NR3C1: variants seen among roughly 807,000 people sequenced by gnomAD.
The protein encoded by NR3C1 is glucocorticoid receptor.
NR3C1 carries 14 observed loss-of-function variants against 74.0 expected under a neutral mutation model. The observed-to-expected ratio is 0.19, with a 90% CI of 0.12 to 0.30. The LOEUF (loss-of-function observed/expected upper bound fraction) is 0.30. NR3C1 is among the 10% of genes least tolerant of loss of function. The pLI is 1.00. For synonymous variants in NR3C1, 308 were observed against 332.5 expected (o/e 0.93, Z 0.80); for missense variants, 695 against 909.8 (o/e 0.76, Z 3.04).
chr5:143,280,113 C>G lies in NR3C1; in HGVS notation c.*1776G>C, dbSNP rs531110936. The G allele has an allele frequency of 6.5e-6, 1 of 152,692 alleles. No individual in the cohort carries two copies. Among genetic ancestry groups the G allele is most frequent in the East Asian group, 1.9e-4 (1 of 5,186 alleles). The allele number at this position is 152,692 out of a possible 1,614,324, so 9.5% of individuals were successfully genotyped here. A position where few individuals can be genotyped will look rare whatever the true frequency, so the allele number is the denominator to read the frequency against. On this transcript the variant is annotated 3_prime_UTR_variant, in exon 9 of 9. Coordinates refer to ENST00000394464, the MANE Select transcript of NR3C1 (RefSeq NM_000176.3). Reference sequence around the variant, plus strand: ...AGAGCAAACTGTTTGGTTTCTGAGACCATCGCTGCCTGTATGAATGCATGT... The same window carrying G: ...AGAGCAAACTGTTTGGTTTCTGAGAGCATCGCTGCCTGTATGAATGCATGT...
intron 4 of NR3C1, among the ~76,000 whole-genome samples, chr5:143,307,723 T>TA (rs1344214964): frequency 6.6e-6 from 1 of 152,216 alleles, no homozygotes; most frequent in African/African-American, 2.4e-5. Flanking sequence ...CAAAGGGCAC[T>TA]AAAAACTCAA....
chr5:143,379,854 G>A (rs866531887), intron 2 of NR3C1, among the ~76,000 whole-genome samples: 12 of 152,174 alleles, frequency 7.9e-5, no homozygotes, highest in South Asian at 2.1e-4. Context: ...GGCCAGATCA[G>A]CAGAACTGCC....
chr5:143,314,122 T>C lies in NR3C1; in HGVS notation c.1231A>G (p.Thr411Ala). 6.2e-7 allele frequency: 1 copy of C among 1,613,780 alleles called. No homozygotes were observed. The highest frequency in any genetic ancestry group is 8.5e-7 in the Non-Finnish European group (1 of 1,179,758). Reference protein sequence around the residue: ...DVSSPPSSSSTATTGPPPKLC... With the variant: ...DVSSPPSSSSAATTGPPPKLC... ...TTGGGAGGTGGTCCTGTTGTTGCTG[T>C]TGAGGAGCTGGATGGAGGAGAGCTT... Residue 411 changes from threonine (T) to alanine (A), a missense_variant, in exon 3 of 9, where the codon ACA becomes GCA. Coordinates refer to ENST00000394464, the MANE Select transcript of NR3C1 (RefSeq NM_000176.3).
At chr5:143,392,813 G>A (rs1002656566) in intron 2 of NR3C1, among the ~76,000 whole-genome samples, 3 of 152,112 alleles carry the variant, frequency 2.0e-5, no homozygotes, top group African/African-American at 7.2e-5. Context: ...TGAGTCAAAA[G>A]TAACTCTTAT....
At chr5:143,416,736 A>G (rs1314978769) in intron 1 of NR3C1, among the ~76,000 whole-genome samples, 1 of 152,126 alleles carries the variant, frequency 6.6e-6, no homozygotes, top group African/African-American at 2.4e-5. Context: ...ATGGAGGATG[A>G]CCCCAAAAGA....
At chr5:143,287,583 A>G (rs1814783047) in intron 7 of NR3C1, among the ~76,000 whole-genome samples, 1 of 152,204 alleles carries the variant, frequency 6.6e-6, no homozygotes, top group East Asian at 1.9e-4. Context: ...TCAAATATTT[A>G]AAGAATAAAT....
At chr5:143,336,553 T>C (rs1197591447) in intron 2 of NR3C1, among the ~76,000 whole-genome samples, 2 of 152,174 alleles carry the variant, frequency 1.3e-5, no homozygotes, top group African/African-American at 4.8e-5. Context: ...GGGTTCAAAA[T>C]CAGGAAGACT....
chr5:143,392,988 C>T (rs1295957734), intron 2 of NR3C1, among the ~76,000 whole-genome samples: 1 of 152,154 alleles, frequency 6.6e-6, no homozygotes, highest in Admixed American at 6.5e-5. Flanking sequence ...TTTACCTCAA[C>T]ACTTTCTATG....
intron 8 of NR3C1, 142 bp from the exon 9 acceptor site, chr5:143,282,183 C>T: frequency 1.2e-6 from 1 of 811,344 alleles, no homozygotes; most frequent in Non-Finnish European, 2.0e-6. Context: ...AAAATAAGCA[C>T]TTCCGTACAA....
In NR3C1 at chr5:143,424,142, C is replaced by G. The variant is rs551917334; in HGVS notation, c.-14+10390G>C. On this transcript the variant is annotated intron_variant, in intron 1 of 8. Coordinates refer to the NR3C1 transcript ENST00000343796. ...ACGAGTTAATGGGTGCAGCGCACCA[C>G]CATGGCACATGTATACATATGTAAC... is the stretch of plus-strand genomic sequence containing the variant. Among the ~76,000 whole-genome samples, 66 of 151,782 alleles carry G rather than the reference C, an allele frequency of 4.3e-4. No homozygotes were observed. In the South Asian group the frequency reaches 5.0e-3, roughly 11 times the overall value.
At chr5:143,418,414 G>A (rs1256881821) in intron 1 of NR3C1, among the ~76,000 whole-genome samples, 2 of 152,066 alleles carry the variant, frequency 1.3e-5, no homozygotes, top group Non-Finnish European at 2.9e-5. Flanking sequence ...TGGACTGTTT[G>A]CCTTTTTCTG....
At chr5:143,298,068 A>G (rs1817695704) in intron 6 of NR3C1, among the ~76,000 whole-genome samples, 1 of 152,234 alleles carries the variant, frequency 6.6e-6, no homozygotes, top group Admixed American at 6.5e-5. Context: ...AACAACTGCA[A>G]TGAGGTAAGG....
At chr5:143,340,481 T>TA (rs1827982447) in intron 2 of NR3C1, among the ~76,000 whole-genome samples, 1 of 140,598 alleles carries the variant, frequency 7.1e-6, no homozygotes, top group African/African-American at 2.7e-5. Flanking sequence ...AGATGATTTT[T>TA]TTTTTTTTTT....
intron 1 of NR3C1, among the ~76,000 whole-genome samples, chr5:143,424,802 G>A (rs1242297616): frequency 6.6e-6 from 1 of 152,116 alleles, no homozygotes; most frequent in Non-Finnish European, 1.5e-5. Context: ...TCCATTCCAT[G>A]CAACAAACAT....
In NR3C1 at chr5:143,400,647, A is replaced by G. The variant is rs6192; in HGVS notation, c.193T>C (p.Phe65Leu). 1 of 1,613,922 alleles carries G rather than the reference A, an allele frequency of 6.2e-7. No homozygotes were observed. Among genetic ancestry groups the G allele is most frequent in the Non-Finnish European group, 8.5e-7 (1 of 1,179,880 alleles). Reference protein sequence around the residue: ...DSKQRRLLVDFPKGSVSNAQQ... With the variant: ...DSKQRRLLVDLPKGSVSNAQQ... ...GCATTGCTTACTGAGCCTTTTGGAA[A>G]ATCAACCAAAAGTCTTCGCTGCTTG... The change falls in exon 2 of 9, where the codon TTT (phenylalanine) becomes CTT (leucine). Residue 65 changes from phenylalanine (F) to leucine (L), a missense_variant. By Grantham distance (22) the Phe-to-Leu change is conservative. Around this residue, in one of 4 missense-constraint regions of NR3C1, gnomAD observed 497 missense variants for 489.5 expected, o/e 1.02. Transcript: ENST00000394464.
rs1420854714 is a variant in NR3C1, at chr5:143,400,289, T to C, written c.551A>G (p.Tyr184Cys). 1.2e-6 allele frequency: 2 copies of C among 1,607,936 alleles called. No individual in the cohort carries two copies. Among genetic ancestry groups the C allele is most frequent in the Admixed American group, 1.7e-5 (1 of 59,168 alleles). ...GTCAAAGGTGCTTTGGTCTGTGGTA[T>C]ACAATTTCACATTGCCACCGTTGGT... ...TGTNGGNVKL[Y>C]TTDQSTFDIL... is the part of the protein sequence containing the mutation. Residue 184 changes from tyrosine (Y) to cysteine (C), a missense_variant, in exon 2 of 9, where the codon TAT becomes TGT. Tyr to Cys is a radical substitution (Grantham distance 194, BLOSUM62 -2). Coordinates refer to ENST00000394464, the MANE Select transcript of NR3C1 (RefSeq NM_000176.3).
intron 2 of NR3C1, among the ~76,000 whole-genome samples, chr5:143,335,054 CT>C (rs1258275469): frequency 2.0e-5 from 3 of 152,148 alleles, no homozygotes; most frequent in Non-Finnish European, 4.4e-5. Flanking sequence ...GGGTTCACAC[CT>C]TCTTGACACT....
At chr5:143,430,105 G>GAAAA (rs1751738771) in intron 1 of NR3C1, among the ~76,000 whole-genome samples, 1 of 149,616 alleles carries the variant, frequency 6.7e-6, no homozygotes. Context: ...GAAAAGAAAA[G>GAAAA]AAAAAGAAAA....
chr5:143,408,248 T>A (rs956416766), upstream of NR3C1, among the ~76,000 whole-genome samples: 1 of 152,188 alleles, frequency 6.6e-6, no homozygotes, highest in African/African-American at 2.4e-5. Flanking sequence ...CTAAAAGGAA[T>A]GTAACCTTGG....
Sources: allele counts gnomAD v4.1 joint callset (sites outside exome capture counted in the v4.1 genomes callset), GRCh38; gene constraint gnomAD v4.1.1; regional missense constraint gnomAD v4.1.1; transcripts MANE v1.5; gene names NCBI Gene and HGNC (gene_info 2026-07-23, HGNC 2026-07-21).